VKORC1L1: variants seen among roughly 807,000 people sequenced by gnomAD.
VKORC1L1 encodes the protein vitamin K epoxide reductase complex subunit 1L1, also known as vitamin K epoxide reductase complex subunit 1-like protein 1.
Under a neutral mutation model 18.9 loss-of-function variants are expected in VKORC1L1, and 2 were observed. The ratio of observed to expected loss-of-function variants is 0.11; its 90% CI spans 0.04 to 0.33. The LOEUF is 0.33. VKORC1L1 is among the 10% of genes least tolerant of loss of function. The probability of loss-of-function intolerance (pLI) is 1.00; values close to 1 mark genes in which losing one functional copy is unlikely to be tolerated. For synonymous variants in VKORC1L1, 96 were observed against 100.0 expected (o/e 0.96, Z 0.24); for missense variants, 123 against 224.1 (o/e 0.55, Z 2.88).
intron 1 of VKORC1L1, among the ~76,000 whole-genome samples, chr7:65,906,757 C>G (rs1403160558): frequency 1.3e-5 from 2 of 152,238 alleles, no homozygotes; most frequent in Non-Finnish European, 2.9e-5. Context: ...GGGAAGAGAT[C>G]CATAATTCAT....
chr7:65,902,793 TAGC>T (rs1420903903), intron 1 of VKORC1L1, among the ~76,000 whole-genome samples: 1 of 152,182 alleles, frequency 6.6e-6, no homozygotes, highest in African/African-American at 2.4e-5. Context: ...ATAAGGATGA[TAGC>T]AGACTTCTCA....
chr7:65,928,254 CTTTTTTT>C lies in VKORC1L1; in HGVS notation c.195-20403_195-20397del, dbSNP rs760146385. On this transcript the variant is annotated intron_variant, in intron 1 of 2. Coordinates refer to ENST00000360768, the MANE Select transcript of VKORC1L1 (RefSeq NM_173517.6). ...ATCCCTACCCCTACCTTTTTTCCTT[CTTTTTTT>C]TTTTTTTTTTTTTCAGATGGGGTCT... Among the ~76,000 whole-genome samples, 11 of 106,224 alleles carry C rather than the reference CTTTTTTT, an allele frequency of 1.0e-4. 1 individual carries two copies. The highest frequency in any genetic ancestry group is 8.0e-4 in the Admixed American group (8 of 9,962). The allele number at this position is 106,224 out of a possible 152,430, so 69.7% of individuals were successfully genotyped here.
At chr7:65,894,254 C>G (rs566537293) in intron 1 of VKORC1L1, among the ~76,000 whole-genome samples, 1 of 150,578 alleles carries the variant, frequency 6.6e-6, no homozygotes, top group South Asian at 2.1e-4. Context: ...TGCGCCCAGC[C>G]AAAATTTTTT....
intron 1 of VKORC1L1, among the ~76,000 whole-genome samples, chr7:65,929,705 G>C (rs1413120224): frequency 1.4e-5 from 1 of 70,178 alleles, no homozygotes; most frequent in African/African-American, 5.3e-5. Flanking sequence ...TATATATATG[G>C]TTTTTTTTAA....
chr7:65,868,790 T>C (rs568367540), upstream of VKORC1L1, among the ~76,000 whole-genome samples: 34 of 152,300 alleles, frequency 2.2e-4, no homozygotes, highest in African/African-American at 8.2e-4. Context: ...GCAACAGATA[T>C]TGGAGACTCC....
intron 1 of VKORC1L1, among the ~76,000 whole-genome samples, chr7:65,879,503 T>G (rs530279909): frequency 6.6e-6 from 1 of 152,328 alleles, no homozygotes; most frequent in South Asian, 2.1e-4. Flanking sequence ...AAGAGTCCCA[T>G]GAGGCAGGTA....
At chr7:65,896,408 G>A (rs1413601259) in intron 1 of VKORC1L1, among the ~76,000 whole-genome samples, 1 of 152,098 alleles carries the variant, frequency 6.6e-6, no homozygotes, top group Non-Finnish European at 1.5e-5. Context: ...TTGGAATTGA[G>A]TGGGACTGCT....
chr7:65,896,953 C>T (rs541131747), intron 1 of VKORC1L1, among the ~76,000 whole-genome samples: 6 of 152,100 alleles, frequency 3.9e-5, no homozygotes, highest in Non-Finnish European at 7.4e-5. Flanking sequence ...GAGCCGAGAT[C>T]GCACCATTGC....
At position 65,957,049 on chromosome 7, in the gene VKORC1L1, CTAAAGG is replaced by C. The variant is rs1287526199; in HGVS notation, c.*2754_*2759del. On this transcript the variant is annotated 3_prime_UTR_variant, in exon 3 of 3. Transcript: ENST00000360768. ...TTTGCATTACAGCTAGTTGCTCTCA[CTAAAGG>C]TAAATTTCCGGTGAAATAACTCAGG... 2.0e-5 allele frequency: 3 copies of C among 152,214 alleles called. No homozygotes were observed. Among genetic ancestry groups the C allele is most frequent in the Non-Finnish European group, 2.9e-5 (2 of 68,040 alleles). The allele number at this position is 152,214 out of a possible 1,614,324, so 9.4% of individuals were successfully genotyped here. A position where few individuals can be genotyped will look rare whatever the true frequency, so the allele number is the denominator to read the frequency against.
intron 1 of VKORC1L1, among the ~76,000 whole-genome samples, chr7:65,910,256 C>T (rs887028950): frequency 7.2e-5 from 11 of 152,170 alleles, no homozygotes; most frequent in Non-Finnish European, 1.5e-4. Context: ...TAACAGTATC[C>T]TTTTCTATTA....
Position 65,955,213 on chromosome 7 carries a change from C to T in VKORC1L1, c.*913C>T, listed in dbSNP as rs1790274967. On this transcript the variant is annotated 3_prime_UTR_variant, in exon 3 of 3. Coordinates refer to ENST00000360768, the MANE Select transcript of VKORC1L1 (RefSeq NM_173517.6). ...AACATGGCATTTTTAGGTAAAGTTT[C>T]TTCCACTAGTTGAATTTTCATGCAG... 6.6e-6 allele frequency: 1 copy of T among 152,146 alleles called. No homozygotes were observed. Among genetic ancestry groups the T allele is most frequent in the Non-Finnish European group, 1.5e-5 (1 of 68,020 alleles). 9.4% of individuals were successfully genotyped at this position (152,146 alleles called of 1,614,324 possible). A position where few individuals can be genotyped will look rare whatever the true frequency, so the allele number is the denominator to read the frequency against.
At chr7:65,933,895 C>G (rs1473138049) in intron 1 of VKORC1L1, among the ~76,000 whole-genome samples, 1 of 152,066 alleles carries the variant, frequency 6.6e-6, no homozygotes, top group Non-Finnish European at 1.5e-5. Flanking sequence ...TTATATTTAG[C>G]AACTTTAAGG....
intron 1 of VKORC1L1, among the ~76,000 whole-genome samples, chr7:65,916,802 T>A (rs961542385): frequency 1.3e-5 from 2 of 152,120 alleles, no homozygotes; most frequent in Non-Finnish European, 1.5e-5. Flanking sequence ...TTCTCCATGT[T>A]GGTCAGGCTG....
At chr7:65,912,539 C>G (rs1789518163) in intron 1 of VKORC1L1, among the ~76,000 whole-genome samples, 1 of 152,202 alleles carries the variant, frequency 6.6e-6, no homozygotes, top group South Asian at 2.1e-4. Flanking sequence ...TCTTAATGCA[C>G]AAAGGCCCAT....
At chr7:65,944,273 A>G (rs544795041) in intron 1 of VKORC1L1, among the ~76,000 whole-genome samples, 1 of 151,990 alleles carries the variant, frequency 6.6e-6, no homozygotes, top group East Asian at 1.9e-4. Flanking sequence ...GGAGGCTGAC[A>G]CAGGAGTCTC....
At chr7:65,878,671 G>A (rs1242463833) in intron 1 of VKORC1L1, among the ~76,000 whole-genome samples, 15 of 152,262 alleles carry the variant, frequency 9.9e-5, no homozygotes, top group Admixed American at 7.8e-4. Context: ...TTGGGAGGCC[G>A]AGGTGGGCGG....
At chr7:65,951,283 T>C (rs1790208151) in intron 2 of VKORC1L1, among the ~76,000 whole-genome samples, 1 of 152,112 alleles carries the variant, frequency 6.6e-6, no homozygotes, top group South Asian at 2.1e-4. Context: ...GGTTCAAAAG[T>C]TTTTAAAAAG....
chr7:65,916,383 C>T (rs1789589715), intron 1 of VKORC1L1, among the ~76,000 whole-genome samples: 1 of 152,102 alleles, frequency 6.6e-6, no homozygotes, highest in African/African-American at 2.4e-5. Flanking sequence ...CTGCCTTCTT[C>T]TAAGTCCTTT....
At chr7:65,884,368 G>C (rs1026260643) in intron 1 of VKORC1L1, among the ~76,000 whole-genome samples, 1 of 152,158 alleles carries the variant, frequency 6.6e-6, no homozygotes, top group Non-Finnish European at 1.5e-5. Flanking sequence ...TCACAGCAGG[G>C]CACGGTGGCC....
Sources: gnomAD v4.1 joint callset for allele counts (sites outside exome capture counted in the v4.1 genomes callset) on GRCh38, gnomAD v4.1.1 for gene constraint, MANE v1.5 for transcripts, NCBI Gene and HGNC (gene_info 2026-07-23, HGNC 2026-07-21) for gene names.